The following CTNNA3 variants were observed in gnomAD, a reference collection of about 807,000 sequenced individuals.
The protein encoded by CTNNA3 is catenin alpha 3, also known as catenin alpha-3.
CTNNA3 carries 76 observed loss-of-function variants against 95.7 expected under a neutral mutation model. That is an observed-to-expected ratio of 0.79 (90% CI 0.66 to 0.96). The LOEUF (loss-of-function observed/expected upper bound fraction) is 0.96, where lower values mean the gene tolerates loss of function less well. CTNNA3 is among the 40% of genes least tolerant of loss of function. The pLI is 0.00. For missense variants in CTNNA3, 1,191 were observed against 1,089.8 expected (o/e 1.09, Z -1.31); for synonymous variants, 431 against 374.4 (o/e 1.15, Z -1.74).
chr10:66,309,410 G>A (rs1035964855), intron 12 of CTNNA3, among the ~76,000 whole-genome samples: 1 of 151,748 alleles, frequency 6.6e-6, no homozygotes, highest in Non-Finnish European at 1.5e-5. Flanking sequence ...GCTAGATTCC[G>A]GGCCGGGTGC....
chr10:66,218,977 T>C (rs2088734876), intron 13 of CTNNA3, among the ~76,000 whole-genome samples: 1 of 152,246 alleles, frequency 6.6e-6, no homozygotes, highest in East Asian at 1.9e-4. Context: ...ACTTCCATTG[T>C]TCTCCTTTCT....
intron 5 of CTNNA3, among the ~76,000 whole-genome samples, chr10:67,518,664 G>A (rs1343213550): frequency 6.6e-6 from 1 of 152,068 alleles, no homozygotes; most frequent in East Asian, 1.9e-4. Flanking sequence ...TAGATAAAGA[G>A]AGGAATGAAT....
At chr10:66,314,447 T>C (rs1331103702) in intron 12 of CTNNA3, among the ~76,000 whole-genome samples, 1 of 152,210 alleles carries the variant, frequency 6.6e-6, no homozygotes, top group African/African-American at 2.4e-5. Context: ...TATGCTCTCA[T>C]TGACCATCAG....
intron 15 of CTNNA3, among the ~76,000 whole-genome samples, chr10:66,038,664 T>G (rs1433574149): frequency 6.6e-6 from 1 of 152,148 alleles, no homozygotes; most frequent in Non-Finnish European, 1.5e-5. Context: ...ATAGCACACT[T>G]TAAAAAAATG....
At chr10:67,623,011 C>A (rs945638233) in intron 2 of CTNNA3, among the ~76,000 whole-genome samples, 1 of 152,138 alleles carries the variant, frequency 6.6e-6, no homozygotes, top group South Asian at 2.1e-4. Flanking sequence ...TTGCTTACAA[C>A]GTGCCCTACA....
intron 3 of CTNNA3, among the ~76,000 whole-genome samples, chr10:67,543,109 G>A (rs1840733777): frequency 6.6e-6 from 1 of 151,972 alleles, no homozygotes; most frequent in Non-Finnish European, 1.5e-5. Context: ...TAAAGGTCTT[G>A]AAAATGCCAG....
chr10:66,574,452 A>G (rs1415968439), intron 10 of CTNNA3, among the ~76,000 whole-genome samples: 1 of 152,094 alleles, frequency 6.6e-6, no homozygotes, highest in Non-Finnish European at 1.5e-5. Flanking sequence ...AAAAAGCAAA[A>G]ATAAGATAAT....
At chr10:66,668,335 C>A (rs1222225124) in intron 9 of CTNNA3, among the ~76,000 whole-genome samples, 1 of 151,564 alleles carries the variant, frequency 6.6e-6, no homozygotes, top group Non-Finnish European at 1.5e-5. Flanking sequence ...GAATGAGGAG[C>A]CTGTTTCCAT....
At chr10:66,603,607 A>G (rs1348861887) in intron 10 of CTNNA3, among the ~76,000 whole-genome samples, 2 of 152,320 alleles carry the variant, frequency 1.3e-5, no homozygotes, top group Non-Finnish European at 2.9e-5. Context: ...TATGGACACA[A>G]AAGACTGAAT....
chr10:66,724,126 A>G (rs1347128063), intron 9 of CTNNA3, among the ~76,000 whole-genome samples: 1 of 152,074 alleles, frequency 6.6e-6, no homozygotes, highest in African/African-American at 2.4e-5. Context: ...CAGTCTGGAT[A>G]ATGGTACCAA....
intron 9 of CTNNA3, among the ~76,000 whole-genome samples, chr10:66,744,591 T>G (rs1397874061): frequency 6.6e-6 from 1 of 152,184 alleles, no homozygotes; most frequent in Non-Finnish European, 1.5e-5. Flanking sequence ...TCTTAGAGGT[T>G]AGTAGAGAAA....
intron 5 of CTNNA3, among the ~76,000 whole-genome samples, chr10:67,376,129 C>T (rs1194584144): frequency 6.6e-6 from 1 of 152,170 alleles, no homozygotes. Flanking sequence ...TGTTTATAAG[C>T]TACCTAGTTT....
At chr10:66,648,589 T>A (rs1219974706) in intron 9 of CTNNA3, among the ~76,000 whole-genome samples, 1 of 152,140 alleles carries the variant, frequency 6.6e-6, no homozygotes, top group Non-Finnish European at 1.5e-5. Context: ...AAATGTTTTC[T>A]GAAGAACATT....
chr10:67,704,165 T>C (rs145491707), intron 1 of CTNNA3, among the ~76,000 whole-genome samples: 16,760 of 152,142 alleles, frequency 0.11, 1,250 homozygotes, highest in African/African-American at 0.22. Flanking sequence ...TGCTCATGGA[T>C]AGGAAGAATC....
At chr10:67,354,448 A>G (rs1842739584) in intron 5 of CTNNA3, among the ~76,000 whole-genome samples, 1 of 152,086 alleles carries the variant, frequency 6.6e-6, no homozygotes, top group Admixed American at 6.6e-5. Context: ...TATGTTTGTA[A>G]CTTGAATTAT....
intron 7 of CTNNA3, chr10:67,176,880 G>C (rs758549074): frequency 8.4e-6 from 4 of 477,042 alleles, no homozygotes; most frequent in Middle Eastern, 3.2e-4. Context: ...ACTGGAAAAG[G>C]CAAAAATAAT....
At chr10:67,285,063 T>C (rs1809842553) in intron 5 of CTNNA3, among the ~76,000 whole-genome samples, 1 of 152,186 alleles carries the variant, frequency 6.6e-6, no homozygotes, top group South Asian at 2.1e-4. Flanking sequence ...TTACTCCAAA[T>C]AGATATTTAC....
chr10:65,920,310 C>T lies in CTNNA3; in HGVS notation c.*20G>A. On this transcript the variant is annotated 3_prime_UTR_variant, in exon 18 of 18. Coordinates refer to ENST00000433211, the MANE Select transcript of CTNNA3 (RefSeq NM_013266.4). ...TAGGCAGGATTTTGTCATATAGGCA[C>T]TATATGTAGAATAGTGGTTTCAGTA... is the stretch of plus-strand genomic sequence containing the variant. 6.2e-7 allele frequency: 1 copy of T among 1,602,236 alleles called. No individual in the cohort carries two copies. The highest frequency in any genetic ancestry group is 8.5e-7 in the Non-Finnish European group (1 of 1,172,176).
intron 15 of CTNNA3, among the ~76,000 whole-genome samples, chr10:66,036,183 C>G (rs2079559534): frequency 6.6e-6 from 1 of 152,176 alleles, no homozygotes; most frequent in Admixed American, 6.5e-5. Context: ...ACATTACTAT[C>G]TTCTCCAGTT....
Sources: allele counts gnomAD v4.1 joint callset (sites outside exome capture counted in the v4.1 genomes callset), GRCh38; gene constraint gnomAD v4.1.1; transcripts MANE v1.5; gene names NCBI Gene and HGNC (gene_info 2026-07-23, HGNC 2026-07-21).